The following KCNQ3 variants were observed in gnomAD, a reference collection of about 807,000 sequenced individuals.
The protein encoded by KCNQ3 is potassium voltage-gated channel subfamily Q member 3.
A neutral mutation model predicts 92.5 loss-of-function variants in KCNQ3; 30 were observed. The ratio of observed to expected loss-of-function variants is 0.32; its 90% CI spans 0.24 to 0.44. KCNQ3 has a LOEUF of 0.44. Among genes scored for constraint, KCNQ3 ranks in the 20% least tolerant of loss-of-function variants. KCNQ3 has a pLI of 1.00. For synonymous variants in KCNQ3, 450 were observed against 468.8 expected (o/e 0.96, Z 0.52); for missense variants, 913 against 1,140.3 (o/e 0.80, Z 2.87).
chr8:132,257,929 T>A (rs984266558), intron 1 of KCNQ3, among the ~76,000 whole-genome samples: 5 of 152,162 alleles, frequency 3.3e-5, no homozygotes, highest in African/African-American at 1.2e-4. Flanking sequence ...AAGGGCATTT[T>A]ATGATGGTAA....
intron 1 of KCNQ3, among the ~76,000 whole-genome samples, chr8:132,226,064 G>A (rs929530011): frequency 2.0e-5 from 3 of 152,150 alleles, no homozygotes; most frequent in Non-Finnish European, 4.4e-5. Flanking sequence ...AAGGTCAGGA[G>A]ATAGAGACCA....
chr8:132,472,888 T>C (rs981210623), intron 1 of KCNQ3, among the ~76,000 whole-genome samples: 5 of 152,348 alleles, frequency 3.3e-5, no homozygotes, highest in African/African-American at 7.2e-5. Flanking sequence ...AATATGTACA[T>C]ACATTATCCA....
intron 1 of KCNQ3, among the ~76,000 whole-genome samples, chr8:132,465,887 G>C (rs1822161250): frequency 6.6e-6 from 1 of 152,170 alleles, no homozygotes; most frequent in African/African-American, 2.4e-5. Flanking sequence ...ACTCCAGCCT[G>C]GGAGACAGAG....
At chr8:132,461,232 G>A (rs1305899928) in intron 1 of KCNQ3, among the ~76,000 whole-genome samples, 1 of 152,102 alleles carries the variant, frequency 6.6e-6, no homozygotes, top group Non-Finnish European at 1.5e-5. Flanking sequence ...CAAATGAGTT[G>A]GGTAAATAAG....
At chr8:132,373,705 G>A (rs1380140205) in intron 1 of KCNQ3, among the ~76,000 whole-genome samples, 1 of 152,056 alleles carries the variant, frequency 6.6e-6, no homozygotes, top group African/African-American at 2.4e-5. Flanking sequence ...ACAGGTCTTT[G>A]CTCTTCTCTC....
intron 1 of KCNQ3, among the ~76,000 whole-genome samples, chr8:132,194,950 T>G (rs1416933733): frequency 6.6e-6 from 1 of 152,208 alleles, no homozygotes; most frequent in Non-Finnish European, 1.5e-5. Flanking sequence ...TTATCTCTGG[T>G]AAATCAAAGA....
intron 11 of KCNQ3, among the ~76,000 whole-genome samples, chr8:132,139,838 C>A (rs561167093): frequency 6.6e-6 from 1 of 152,062 alleles, no homozygotes. Context: ...GGCTGTGGGG[C>A]GTGTTTATAA....
chr8:132,415,600 C>T (rs1453507898), intron 1 of KCNQ3, among the ~76,000 whole-genome samples: 1 of 152,192 alleles, frequency 6.6e-6, no homozygotes, highest in African/African-American at 2.4e-5. Flanking sequence ...GATGGGATTC[C>T]ATTTCTGTCT....
At chr8:132,357,885 G>A (rs1819059566) in intron 1 of KCNQ3, among the ~76,000 whole-genome samples, 1 of 152,148 alleles carries the variant, frequency 6.6e-6, no homozygotes, top group African/African-American at 2.4e-5. Context: ...CCTTACTCAT[G>A]TCCTTCCCTA....
chr8:132,462,436 C>T (rs1471637183), intron 1 of KCNQ3, among the ~76,000 whole-genome samples: 2 of 152,216 alleles, frequency 1.3e-5, no homozygotes, highest in Non-Finnish European at 2.9e-5. Flanking sequence ...GATCTACCCA[C>T]CTCGGCCTCC....
chr8:132,234,338 G>GTTTTTTTTTT (rs756218792), intron 1 of KCNQ3, among the ~76,000 whole-genome samples: 1 of 85,668 alleles, frequency 1.2e-5, no homozygotes, highest in Non-Finnish European at 2.3e-5. Flanking sequence ...TCCATGAAAA[G>GTTTTTTTTTT]TTTTTTTTTT....
chr8:132,192,097 T>G (rs576487742), intron 1 of KCNQ3, among the ~76,000 whole-genome samples: 3 of 152,270 alleles, frequency 2.0e-5, no homozygotes, highest in Admixed American at 2.0e-4. Context: ...TGTCTGCTTT[T>G]AGAGCCAGGA....
chr8:132,415,739 A>T (rs1346497425), intron 1 of KCNQ3, among the ~76,000 whole-genome samples: 1 of 152,230 alleles, frequency 6.6e-6, no homozygotes, highest in Non-Finnish European at 1.5e-5. Context: ...GGGACAAAAA[A>T]AAAAGCTACT....
intron 1 of KCNQ3, among the ~76,000 whole-genome samples, chr8:132,187,395 G>A (rs1827004938): frequency 6.6e-6 from 1 of 152,144 alleles, no homozygotes; most frequent in South Asian, 2.1e-4. Flanking sequence ...TTCTGACCTT[G>A]GCTGGGACCA....
intron 1 of KCNQ3, among the ~76,000 whole-genome samples, chr8:132,414,498 T>C (rs1820741112): frequency 6.6e-6 from 1 of 152,226 alleles, no homozygotes; most frequent in African/African-American, 2.4e-5. Context: ...AGAGAAGCCC[T>C]GTCACATCTG....
chr8:132,462,197 ATTTATTTAT>A (rs1822076790), intron 1 of KCNQ3, among the ~76,000 whole-genome samples: 1 of 151,750 alleles, frequency 6.6e-6, no homozygotes, highest in African/African-American at 2.4e-5. Context: ...TTATTTATTT[ATTTATTTAT>A]TTTATTTTTT....
chr8:132,407,755 C>T (rs769553784), intron 1 of KCNQ3, among the ~76,000 whole-genome samples: 72 of 152,184 alleles, frequency 4.7e-4, no homozygotes, highest in Non-Finnish European at 1.2e-4. Context: ...GTAAAAAATA[C>T]ATCTTCCTGG....
chr8:132,325,308 C>T (rs577246535), intron 1 of KCNQ3, among the ~76,000 whole-genome samples: 1 of 152,204 alleles, frequency 6.6e-6, no homozygotes, highest in South Asian at 2.1e-4. Flanking sequence ...AGCTGGGTTC[C>T]GTCCAGGGTC....
intron 1 of KCNQ3, among the ~76,000 whole-genome samples, chr8:132,263,877 G>C (rs1394691234): frequency 6.6e-6 from 1 of 152,128 alleles, no homozygotes; most frequent in Non-Finnish European, 1.5e-5. Context: ...AAGATCTCCA[G>C]CTCTTCGGGT....
Sources: gnomAD v4.1 joint callset for allele counts (sites outside exome capture counted in the v4.1 genomes callset) on GRCh38, gnomAD v4.1.1 for gene constraint, MANE v1.5 for transcripts, NCBI Gene and HGNC (gene_info 2026-07-23, HGNC 2026-07-21) for gene names.